Variants in PTCH1 observed in about 807,000 individuals in gnomAD.
PTCH1 encodes patched 1.
A neutral mutation model predicts 144.6 loss-of-function variants in PTCH1; 14 were observed. That is an observed-to-expected ratio of 0.10 (90% CI 0.06 to 0.15). PTCH1 has a LOEUF of 0.15. Ranked by LOEUF, PTCH1 falls within the 10% of genes least tolerant of loss-of-function variation. The pLI, the probability that PTCH1 is intolerant of heterozygous loss-of-function variation, is 1.00. For missense variants in PTCH1, 1,623 were observed against 1,948.3 expected, an observed-to-expected ratio of 0.83 and a Z score of 3.14; for synonymous variants, 833 against 793.6, an observed-to-expected ratio of 1.05 and a Z score of -0.83.
In PTCH1 at chr9:95,453,580, A is replaced by T. The variant is rs863224653; in HGVS notation, c.3347T>A (p.Val1116Glu). The T allele has an allele frequency of 3.2e-5, 52 of 1,613,956 alleles. No individual in the cohort carries two copies. Among genetic ancestry groups the T allele is most frequent in the Non-Finnish European group, 4.3e-5 (51 of 1,180,042 alleles). Residue 1116 changes from valine to glutamate, a missense_variant, in exon 20 of 24, where the codon GTG (valine) becomes GAG (glutamate). By Grantham distance (121) the Val-to-Glu change is moderately radical. This residue lies in a region of PTCH1 where 504 missense variants were observed against 679.3 expected (regional missense o/e 0.74). Coordinates refer to ENST00000331920, the MANE Select transcript of PTCH1 (RefSeq NM_000264.5). ...TGCAAACATGTGCTCCAGGGCAAGC[A>T]CAGCCCTGCGGTTCTTGTCGCCGAT... ...TAIGDKNRRAVLALEHMFAPV... is the reference protein window; with the variant it reads ...TAIGDKNRRAELALEHMFAPV...
chr9:95,492,181 T>C (rs2118665614), intron 2 of PTCH1, among the ~76,000 whole-genome samples: 1 of 152,340 alleles, frequency 6.6e-6, no homozygotes, highest in Middle Eastern at 3.4e-3. Flanking sequence ...AACCTCTCAG[T>C]GAAAACACAG....
At chr9:95,474,337 G>C (rs1840851634) in intron 12 of PTCH1, among the ~76,000 whole-genome samples, 1 of 151,986 alleles carries the variant, frequency 6.6e-6, no homozygotes, top group African/African-American at 2.4e-5. Flanking sequence ...AAATGAGACT[G>C]GGGTACCACA....
At chr9:95,466,069 T>G (rs1024916868) in intron 15 of PTCH1, among the ~76,000 whole-genome samples, 9 of 152,170 alleles carry the variant, frequency 5.9e-5, no homozygotes, top group Non-Finnish European at 1.3e-4. Flanking sequence ...TTTTTGGAGA[T>G]GGAGTCTCGC....
rs1840303330 is a variant in PTCH1, at chr9:95,469,000, C to T, written c.2001G>A (p.Glu667=). 3 of 1,614,032 alleles carry T rather than the reference C, an allele frequency of 1.9e-6. No individual in the cohort carries two copies. The highest frequency in any genetic ancestry group is 3.3e-5 in the Admixed American group (2 of 60,016). Residue 667 remains glutamate, a synonymous_variant, in exon 14 of 24, where the codon GAG becomes GAA. Transcript: ENST00000331920. Reference sequence around the variant, plus strand: ...AGTACACGTGCGTGTGGGGGTCGTACTCCGTGCGGAGCTGGACAGTGGACT... The same window carrying T: ...AGTACACGTGCGTGTGGGGGTCGTATTCCGTGCGGAGCTGGACAGTGGACT... ...TMQSTVQLRT[E]YDPHTHVYYT... is the part of the protein sequence containing the mutation.
Position 95,516,666 on chromosome 9 carries a change from TCTC to T in PTCH1, c.-198_-196del, listed in dbSNP as rs768534900. The T allele has an allele frequency of 5.9e-5, 95 of 1,612,984 alleles. 3 individuals are homozygous for T. In the East Asian group the frequency reaches 1.0e-3, roughly 17 times the overall value. ...TTTGTCTCCCCTGTCGTCTTTTTCTTCTCCTCCGTTTTCTTCTTCTTCTTCTCC... is the reference window on the plus strand; with the variant it reads ...TTTGTCTCCCCTGTCGTCTTTTTCTTCTCCGTTTTCTTCTTCTTCTTCTCC... On this transcript the variant is annotated 5_prime_UTR_variant, in exon 1 of 23. Transcript: ENST00000430669.
chr9:95,508,564 C>T lies in PTCH1; in HGVS notation c.-203G>A, dbSNP rs1186919906. The T allele has an allele frequency of 9.0e-6, 9 of 1,003,664 alleles. No homozygotes were observed. The African/African-American group carries it at 1.2e-4, about 14-fold the overall frequency. The allele number at this position is 1,003,664 out of a possible 1,614,324, so 62.2% of individuals were successfully genotyped here. ...ACGGCGGGCGCTGCTGCCGCTGCGG[C>T]CGCGGCCGCTGCCGGGGAGTCAGAC... On this transcript the variant is annotated 5_prime_UTR_variant, in exon 1 of 24. Transcript: ENST00000331920.
At chr9:95,456,026 A>AGGTG (rs1838889568) in intron 19 of PTCH1, among the ~76,000 whole-genome samples, 6 of 152,200 alleles carry the variant, frequency 3.9e-5, no homozygotes, top group Non-Finnish European at 8.8e-5. Context: ...GGCCCACTCC[A>AGGTG]ACACACCAAC....
At chr9:95,470,606 G>A (rs369078103) in intron 12 of PTCH1, among the ~76,000 whole-genome samples, 3 of 152,166 alleles carry the variant, frequency 2.0e-5, no homozygotes, top group African/African-American at 4.8e-5. Flanking sequence ...TCTGCAGTGC[G>A]TTGGCAAATC....
intron 20 of PTCH1, chr9:95,452,277 G>A (rs2136623017): frequency 6.6e-6 from 1 of 151,744 alleles, no homozygotes; most frequent in Middle Eastern, 3.4e-3. Context: ...AAAACTTCTA[G>A]TTGAAACCCT....
intron 23 of PTCH1, 62 bp from the exon 24 acceptor site, chr9:95,446,453 A>G: frequency 1.9e-6 from 1 of 514,538 alleles, no homozygotes; most frequent in Non-Finnish European, 3.9e-6. Flanking sequence ...CCGTATTTAT[A>G]AAGTACAAAA....
chr9:95,510,397 A>G (rs533182646), upstream of PTCH1, among the ~76,000 whole-genome samples: 5 of 152,356 alleles, frequency 3.3e-5, no homozygotes, highest in African/African-American at 1.2e-4. Context: ...CACCGCGTCC[A>G]GTGTCACCAA....
intron 3 of PTCH1, chr9:95,483,677 C>T (rs1384375274): frequency 6.6e-6 from 1 of 152,234 alleles, no homozygotes; most frequent in Non-Finnish European, 1.5e-5. Flanking sequence ...GCCCACGTTT[C>T]CTTTGTCCAT....
intron 2 of PTCH1, among the ~76,000 whole-genome samples, chr9:95,490,519 TGA>T (rs1491364087): frequency 3.5e-4 from 42 of 119,924 alleles, no homozygotes; most frequent in African/African-American, 1.4e-3. Flanking sequence ...ACCTTCTATG[TGA>T]CACACACACA....
chr9:95,482,908 T>C (rs1227452904), intron 3 of PTCH1: 1 of 152,658 alleles, frequency 6.6e-6, no homozygotes, highest in South Asian at 2.1e-4. Flanking sequence ...CCTATCTCTA[T>C]AATGAATGAA....
rs144718118 is a variant in PTCH1 at position 95,507,792 on chromosome 9, A to T, written c.201+369T>A. The stretch of plus-strand genomic sequence containing the variant: ...ATAGGGGCAGGGGCGCAGGAGGAAG[A>T]AGTTCAGGGCAGGGGGCACGGGGCA... On this transcript the variant is annotated intron_variant, in intron 1 of 23. Transcript: ENST00000331920. 3.0e-3 allele frequency: 1,081 copies of T among 363,818 alleles called. 17 individuals carry two copies. The highest frequency in any genetic ancestry group is 0.01 in the South Asian group (155 of 14,958). The allele number at this position is 363,818 out of a possible 1,614,324, so 22.5% of individuals were successfully genotyped here.
chr9:95,507,285 C>A, intron 1 of PTCH1: 1 of 985,490 alleles, frequency 1.0e-6, no homozygotes, highest in Non-Finnish European at 1.2e-6. Context: ...CCTCTCCCTT[C>A]CTTTCTGGTT....
chr9:95,477,662 G>C lies in PTCH1; in HGVS notation c.1388C>G (p.Ser463Cys), dbSNP rs764195249. The C allele has an allele frequency of 5.0e-6, 8 of 1,614,192 alleles. No homozygotes were observed. In the Admixed American group the frequency reaches 1.3e-4, roughly 27 times the overall value. Residue 463 changes from serine (S) to cysteine (C), a missense_variant, in exon 10 of 24, where the codon TCC (serine) becomes TGC (cysteine). Ser to Cys is a moderately radical substitution (Grantham distance 112). This residue lies in a region of PTCH1 where 135 missense variants were observed against 228.7 expected (regional missense o/e 0.59). Coordinates refer to ENST00000331920, the MANE Select transcript of PTCH1 (RefSeq NM_000264.5). ...ACLTMLRWDC[S>C]KSQGAVGLAG... is the part of the protein sequence containing the mutation. ...CAGCCCCACGGCACCCTGGGACTTGGAGCAGTCCCAGCGCAGCATGGTTAG... is the reference window on the plus strand; with the variant it reads ...CAGCCCCACGGCACCCTGGGACTTGCAGCAGTCCCAGCGCAGCATGGTTAG...
At chr9:95,447,737 T>C (rs1267728787) in intron 22 of PTCH1, among the ~76,000 whole-genome samples, 1 of 152,196 alleles carries the variant, frequency 6.6e-6, no homozygotes, top group Admixed American at 6.5e-5. Context: ...GCATCCAAGC[T>C]GCTGCCCCCC....
chr9:95,514,254 C>G (rs1471734949), upstream of PTCH1: 1 of 152,278 alleles, frequency 6.6e-6, no homozygotes, highest in African/African-American at 2.4e-5. Context: ...TTGCTTTCCT[C>G]TCATGGATAG....
Sources: allele counts gnomAD v4.1 joint callset (sites outside exome capture counted in the v4.1 genomes callset), GRCh38; gene constraint gnomAD v4.1.1; regional missense constraint gnomAD v4.1.1; transcripts MANE v1.5; gene names NCBI Gene and HGNC (gene_info 2026-07-23, HGNC 2026-07-21).